The following TBC1D32 variants were observed in gnomAD, a reference collection of about 807,000 sequenced individuals.
The protein encoded by TBC1D32 is TBC1 domain family member 32, also known as protein broad-minded.
In TBC1D32, 151 loss-of-function variants were observed where a neutral mutation model predicts 170.3. The observed-to-expected ratio is 0.89, with a 90% CI of 0.78 to 1.01. The LOEUF (loss-of-function observed/expected upper bound fraction) is 1.01, where lower values mean the gene tolerates loss of function less well. Ranked by LOEUF, TBC1D32 falls within the 50% of genes least tolerant of loss-of-function variation. The probability of loss-of-function intolerance (pLI) is 0.00; values close to 1 mark genes in which losing one functional copy is unlikely to be tolerated. For synonymous variants in TBC1D32, 498 were observed against 488.0 expected (o/e 1.02, Z -0.27); for missense variants, 1,464 against 1,457.1 (o/e 1.00, Z -0.08).
intron 21 of TBC1D32, among the ~76,000 whole-genome samples, chr6:121,222,588 AT>A (rs11355979): frequency 0.64 from 96,328 of 150,902 alleles, 36,177 homozygotes; most frequent in Non-Finnish European, 0.84. Context: ...TGAAAAAAAA[AT>A]ATCACATAGG....
At chr6:121,216,151 C>G (rs939674546) in intron 21 of TBC1D32, among the ~76,000 whole-genome samples, 4 of 152,166 alleles carry the variant, frequency 2.6e-5, no homozygotes, top group African/African-American at 9.7e-5. Context: ...CTGATGGGAA[C>G]CATCAAATCA....
intron 1 of TBC1D32, among the ~76,000 whole-genome samples, chr6:121,324,189 T>C (rs1810149867): frequency 6.6e-6 from 1 of 152,222 alleles, no homozygotes; most frequent in Non-Finnish European, 1.5e-5. Context: ...AGATATTTTA[T>C]AGTTGTAAAT....
intron 22 of TBC1D32, among the ~76,000 whole-genome samples, chr6:121,177,804 T>A (rs886163444): frequency 6.6e-6 from 1 of 152,214 alleles, no homozygotes; most frequent in Middle Eastern, 3.2e-3. Context: ...ACTATGGATA[T>A]GCAAGTATTT....
At chr6:121,225,873 C>A (rs1489044297) in intron 20 of TBC1D32, among the ~76,000 whole-genome samples, 1 of 152,056 alleles carries the variant, frequency 6.6e-6, no homozygotes, top group East Asian at 1.9e-4. Flanking sequence ...TTGGTTCCCA[C>A]AAACACACAT....
intron 22 of TBC1D32, among the ~76,000 whole-genome samples, chr6:121,204,480 T>C (rs556977682): frequency 6.6e-6 from 1 of 151,416 alleles, no homozygotes; most frequent in Non-Finnish European, 1.5e-5. Context: ...CACCTGCTTT[T>C]AAAGGTAGTA....
chr6:121,081,548 T>C (rs947075491), intron 31 of TBC1D32, among the ~76,000 whole-genome samples: 1 of 152,094 alleles, frequency 6.6e-6, no homozygotes, highest in Non-Finnish European at 1.5e-5. Context: ...GTGTAATTAA[T>C]ATTTATAATG....
At position 121,161,061 on chromosome 6, in the gene TBC1D32, A is replaced by G; in HGVS notation, c.2571-5T>C. On this transcript the variant is annotated splice_region_variant and splice_polypyrimidine_tract_variant and intron_variant, in intron 22 of 31. Coordinates refer to ENST00000398212, the MANE Select transcript of TBC1D32 (RefSeq NM_152730.6). ...AAGCCATCAATTATAAAGTCCCTGA[A>G]AAAATAAATATATCACCTTTGTCAT... 1 of 1,582,476 alleles carries G rather than the reference A, an allele frequency of 6.3e-7. No homozygotes were observed. Among genetic ancestry groups the G allele is most frequent in the Non-Finnish European group, 8.7e-7 (1 of 1,154,000 alleles).
At chr6:121,245,404 G>A (rs1180263387) in intron 17 of TBC1D32, among the ~76,000 whole-genome samples, 1 of 152,122 alleles carries the variant, frequency 6.6e-6, no homozygotes, top group Non-Finnish European at 1.5e-5. Context: ...TTAGAGTAAG[G>A]AGGAGAGCAC....
At chr6:121,241,631 G>T in intron 18 of TBC1D32, 79 bp from the exon 19 acceptor site, 2 of 1,174,546 alleles carry the variant, frequency 1.7e-6, no homozygotes, top group Non-Finnish European at 2.5e-6. Flanking sequence ...AAGATGGTAA[G>T]AACTGCAAAA....
chr6:121,098,746 G>A (rs1179547579), intron 30 of TBC1D32, among the ~76,000 whole-genome samples: 2 of 151,942 alleles, frequency 1.3e-5, no homozygotes, highest in African/African-American at 4.8e-5. Context: ...TACAAAGTGT[G>A]TACAAAGCAG....
chr6:121,225,106 T>C lies in TBC1D32; in HGVS notation c.2365-1754A>G, dbSNP rs553001236. Among the ~76,000 whole-genome samples the C allele has an allele frequency of 2.5e-3, 374 of 152,088 alleles. 2 individuals carry two copies. Among genetic ancestry groups the C allele is most frequent in the African/African-American group, 8.6e-3 (357 of 41,538 alleles). On this transcript the variant is annotated intron_variant, in intron 20 of 31. Coordinates refer to ENST00000398212, the MANE Select transcript of TBC1D32 (RefSeq NM_152730.6). ...TGCCAAGGAAAGAATGTTTAAGAAATATGTCTATTAATTATACATAAAATG... is the reference window on the plus strand; with the variant it reads ...TGCCAAGGAAAGAATGTTTAAGAAACATGTCTATTAATTATACATAAAATG...
At chr6:121,266,925 AG>A (rs1267679144) in intron 15 of TBC1D32, among the ~76,000 whole-genome samples, 1 of 152,032 alleles carries the variant, frequency 6.6e-6, no homozygotes, top group Non-Finnish European at 1.5e-5. Context: ...GGAAGGGGCA[AG>A]GGGAGGGAGA....
chr6:121,221,862 C>T (rs538604572), intron 21 of TBC1D32, among the ~76,000 whole-genome samples: 92 of 152,314 alleles, frequency 6.0e-4, no homozygotes, highest in African/African-American at 2.2e-3. Context: ...ATTACATAAA[C>T]TTAGTTGATA....
intron 1 of TBC1D32, among the ~76,000 whole-genome samples, chr6:121,332,003 C>T (rs1811284082): frequency 6.6e-6 from 1 of 151,934 alleles, no homozygotes; most frequent in Admixed American, 6.5e-5. Flanking sequence ...TTTAGGAGGC[C>T]ACAAGTAAAT....
chr6:121,194,756 C>T (rs1008140333), intron 22 of TBC1D32, among the ~76,000 whole-genome samples: 1 of 152,210 alleles, frequency 6.6e-6, no homozygotes, highest in Admixed American at 6.5e-5. Flanking sequence ...ATCTCTCCAG[C>T]TTTATATCAT....
intron 22 of TBC1D32, among the ~76,000 whole-genome samples, chr6:121,176,220 AG>A: frequency 1.3e-5 from 2 of 152,316 alleles, no homozygotes; most frequent in South Asian, 4.1e-4. Context: ...GTCAGGAAAG[AG>A]CTCACTAAGA....
At chr6:121,256,908 G>T (rs1799098336) in intron 15 of TBC1D32, among the ~76,000 whole-genome samples, 1 of 152,044 alleles carries the variant, frequency 6.6e-6, no homozygotes, top group Non-Finnish European at 1.5e-5. Context: ...CTGACCTCAG[G>T]TGATAAACCC....
In TBC1D32 at chr6:121,196,569, T is replaced by A. The variant is rs116839269; in HGVS notation, c.2570+8506A>T. Among the ~76,000 whole-genome samples, 232 of 152,340 alleles carry A rather than the reference T, an allele frequency of 1.5e-3. 1 individual carries two copies. The highest frequency in any genetic ancestry group is 5.4e-3 in the African/African-American group (225 of 41,584). Reference sequence around the variant, plus strand: ...GACTCATGGAATGCCTTATCCACTATCATGGTATTACACACAGCATTGCCT... The same window carrying A: ...GACTCATGGAATGCCTTATCCACTAACATGGTATTACACACAGCATTGCCT... On this transcript the variant is annotated intron_variant, in intron 22 of 31. Transcript: ENST00000398212.
intron 22 of TBC1D32, among the ~76,000 whole-genome samples, chr6:121,180,926 A>C (rs1430076623): frequency 1.3e-5 from 2 of 152,190 alleles, no homozygotes; most frequent in East Asian, 3.8e-4. Flanking sequence ...AAAATGGGCA[A>C]AAGATATAAA....
Sources: gnomAD v4.1 joint callset for allele counts (sites outside exome capture counted in the v4.1 genomes callset) on GRCh38, gnomAD v4.1.1 for gene constraint, MANE v1.5 for transcripts, NCBI Gene and HGNC (gene_info 2026-07-23, HGNC 2026-07-21) for gene names.